Variants in FER1L6 observed in about 807,000 individuals in gnomAD.
FER1L6 encodes the protein fer-1-like protein 6.
A neutral mutation model predicts 219.2 loss-of-function variants in FER1L6; 177 were observed. The observed-to-expected ratio is 0.81, with a 90% CI of 0.71 to 0.91. The LOEUF is 0.91. Among genes scored for constraint, FER1L6 ranks in the 40% least tolerant of loss-of-function variants. The pLI is 0.00. For synonymous variants in FER1L6, 768 were observed against 824.3 expected (o/e 0.93, Z 1.17); for missense variants, 2,153 against 2,259.9 (o/e 0.95, Z 0.96).
chr8:124,119,390 G>T (rs73332244), intron 40 of FER1L6, among the ~76,000 whole-genome samples: 8,240 of 152,016 alleles, frequency 0.054, 800 homozygotes, highest in African/African-American at 0.19. Flanking sequence ...CTGGACTCTC[G>T]CTCTCTGCTC....
chr8:124,102,882 A>G (rs1276600957), intron 38 of FER1L6, among the ~76,000 whole-genome samples: 1 of 152,192 alleles, frequency 6.6e-6, no homozygotes, highest in African/African-American at 2.4e-5. Context: ...GAGGCTTGCA[A>G]GTTAAGTATT....
chr8:123,971,440 G>T (rs1010775718), intron 6 of FER1L6, among the ~76,000 whole-genome samples: 3 of 152,170 alleles, frequency 2.0e-5, no homozygotes, highest in African/African-American at 7.2e-5. Flanking sequence ...AGCTCCATAG[G>T]AGGCTTCTAA....
chr8:123,881,036 G>A lies in FER1L6; in HGVS notation c.-8+28851G>A, dbSNP rs529552588. ...TCTCTTGTAAGTAATCATGTCTGTTGCAATGACAAGTCATGTGCAATGGTG... is the reference window on the plus strand; with the variant it reads ...TCTCTTGTAAGTAATCATGTCTGTTACAATGACAAGTCATGTGCAATGGTG... On this transcript the variant is annotated intron_variant, in intron 1 of 40. Transcript: ENST00000522917. 1.3e-4 allele frequency among the ~76,000 whole-genome samples: 20 copies of A among 152,278 alleles called. 1 individual carries two copies. In the South Asian group the frequency reaches 4.1e-3, roughly 32 times the overall value.
In FER1L6 at chr8:124,023,537, T is replaced by A; in HGVS notation, c.2227T>A (p.Ser743Thr). Residue 743 changes from serine (S) to threonine (T), a missense_variant, in exon 18 of 41, where the codon TCC (serine) becomes ACC (threonine). Transcript: ENST00000522917. The stretch of plus-strand genomic sequence containing the variant: ...CATCGCCTCCAAAGACCTCCTCTAT[T>A]CCCCTGTCGCGGGGCAGATGGGCAA... ...ARIASKDLLY[S>T]PVAGQMGKHC... The A allele has an allele frequency of 6.2e-7, 1 of 1,614,040 alleles. No individual in the cohort carries two copies. Among genetic ancestry groups the A allele is most frequent in the Non-Finnish European group, 8.5e-7 (1 of 1,180,006 alleles).
intron 12 of FER1L6, among the ~76,000 whole-genome samples, chr8:124,001,965 G>A (rs1271048059): frequency 6.6e-6 from 1 of 152,210 alleles, no homozygotes; most frequent in South Asian, 2.1e-4. Flanking sequence ...TGGGTGGCAT[G>A]CTCTCAGGAG....
At chr8:123,876,635 A>C (rs548056718) in intron 1 of FER1L6, among the ~76,000 whole-genome samples, 13 of 152,122 alleles carry the variant, frequency 8.5e-5, no homozygotes, top group Non-Finnish European at 1.6e-4. Context: ...TTATGTTTTC[A>C]AATAGTTCTT....
intron 40 of FER1L6, 83 bp from the exon 41 acceptor site, chr8:124,119,524 G>A: frequency 1.1e-6 from 1 of 897,088 alleles, no homozygotes; most frequent in Non-Finnish European, 1.8e-6. Context: ...GAAAGTGGGA[G>A]TCGGAAACAC....
chr8:124,092,717 G>T (rs1026925083), intron 34 of FER1L6, among the ~76,000 whole-genome samples: 1 of 152,200 alleles, frequency 6.6e-6, no homozygotes, highest in Admixed American at 6.5e-5. Flanking sequence ...GGCTCTATAG[G>T]AAGCATGGTA....
At chr8:123,903,033 A>C (rs558753681) in intron 1 of FER1L6, among the ~76,000 whole-genome samples, 1 of 152,234 alleles carries the variant, frequency 6.6e-6, no homozygotes, top group Non-Finnish European at 1.5e-5. Flanking sequence ...TGTCTGAAAA[A>C]GACTATCTTT....
intron 1 of FER1L6, among the ~76,000 whole-genome samples, chr8:123,871,539 C>A (rs992619427): frequency 2.2e-4 from 34 of 152,042 alleles, no homozygotes; most frequent in African/African-American, 7.7e-4. Context: ...TTCGCATGAC[C>A]AAGGTTGGAA....
chr8:123,857,578 T>A (rs927426946), intron 1 of FER1L6, among the ~76,000 whole-genome samples: 1 of 152,180 alleles, frequency 6.6e-6, no homozygotes, highest in Non-Finnish European at 1.5e-5. Flanking sequence ...TTTCCTTCCC[T>A]CCCAGTTCAG....
At chr8:124,051,847 G>A (rs1282100150) in intron 22 of FER1L6, among the ~76,000 whole-genome samples, 1 of 152,158 alleles carries the variant, frequency 6.6e-6, no homozygotes. Context: ...TCTTATCAAA[G>A]ACTTTCAGTG....
chr8:124,085,769 T>C (rs1313342461), intron 33 of FER1L6, among the ~76,000 whole-genome samples: 2 of 152,170 alleles, frequency 1.3e-5, no homozygotes, highest in Non-Finnish European at 2.9e-5. Context: ...TGTCCAGTGT[T>C]TCTTGGTTGG....
At chr8:124,075,480 T>G (rs1158354700) in intron 31 of FER1L6, among the ~76,000 whole-genome samples, 1 of 152,188 alleles carries the variant, frequency 6.6e-6, no homozygotes, top group Non-Finnish European at 1.5e-5. Flanking sequence ...CACCTTTTTC[T>G]GGATGCCTTC....
At chr8:123,936,124 TCAGA>T (rs1813988459) in intron 1 of FER1L6, among the ~76,000 whole-genome samples, 1 of 152,008 alleles carries the variant, frequency 6.6e-6, no homozygotes, top group Admixed American at 6.6e-5. Context: ...AACCTCTCGG[TCAGA>T]TGCATGTCCC....
intron 13 of FER1L6, among the ~76,000 whole-genome samples, chr8:124,006,076 T>C (rs925049174): frequency 1.3e-5 from 2 of 152,206 alleles, no homozygotes; most frequent in African/African-American, 4.8e-5. Flanking sequence ...GTCTTTTAAC[T>C]TCATTCTCAA....
rs777202653 is a variant in FER1L6 at position 124,017,610 on chromosome 8, G to T, written c.1923-18G>T. 1.3e-6 allele frequency: 2 copies of T among 1,585,930 alleles called. No individual in the cohort carries two copies. Among genetic ancestry groups the T allele is most frequent in the Non-Finnish European group, 1.7e-6 (2 of 1,157,232 alleles). On this transcript the variant is annotated intron_variant, in intron 15 of 40. Coordinates refer to ENST00000522917, the MANE Select transcript of FER1L6 (RefSeq NM_001039112.2). Reference sequence around the variant, plus strand: ...TTTTCACTAAGTAGGTTTCAAAATTGTTATTCTTTTCTTATAGTGCCTTTA... The same window carrying T: ...TTTTCACTAAGTAGGTTTCAAAATTTTTATTCTTTTCTTATAGTGCCTTTA...
intron 18 of FER1L6, among the ~76,000 whole-genome samples, chr8:124,026,493 G>A (rs868570475): frequency 2.6e-5 from 4 of 152,138 alleles, no homozygotes; most frequent in Non-Finnish European, 5.9e-5. Context: ...TATAGACGGA[G>A]GGGAGGTATA....
At chr8:123,988,861 G>A (rs994905607) in intron 12 of FER1L6, among the ~76,000 whole-genome samples, 14 of 152,096 alleles carry the variant, frequency 9.2e-5, no homozygotes, top group African/African-American at 3.4e-4. Flanking sequence ...CCAGTATTAT[G>A]TTCAGTAATA....
Sources: allele counts gnomAD v4.1 joint callset (sites outside exome capture counted in the v4.1 genomes callset), GRCh38; gene constraint gnomAD v4.1.1; transcripts MANE v1.5; gene names NCBI Gene and HGNC (gene_info 2026-07-23, HGNC 2026-07-21).